Variants in PRKCH observed in about 807,000 individuals in gnomAD.
The protein encoded by PRKCH is protein kinase C eta type.
A neutral mutation model predicts 82.5 loss-of-function variants in PRKCH; 28 were observed. The observed-to-expected ratio is 0.34, with a 90% CI of 0.25 to 0.47. The LOEUF is 0.47. Ranked by LOEUF, PRKCH falls within the 20% of genes least tolerant of loss-of-function variation. The probability of loss-of-function intolerance (pLI) is 1.00; values close to 1 mark genes in which losing one functional copy is unlikely to be tolerated. For synonymous variants in PRKCH, 322 were observed against 327.4 expected (o/e 0.98, Z 0.18); for missense variants, 705 against 881.8 (o/e 0.80, Z 2.54).
intron 1 of PRKCH, chr14:61,279,834 A>G (rs889975268): frequency 1.4e-5 from 7 of 487,662 alleles, no homozygotes; most frequent in Non-Finnish European, 2.6e-5. Flanking sequence ...AGAACCTCAC[A>G]TGGCAACTCA....
At chr14:61,402,725 G>T (rs189193467) in intron 2 of PRKCH, among the ~76,000 whole-genome samples, 103 of 152,070 alleles carry the variant, frequency 6.8e-4, no homozygotes, top group East Asian at 5.4e-3. Context: ...CTTGAACCAG[G>T]GAGTCAGAGG....
chr14:61,360,135 T>A (rs2046203828), intron 1 of PRKCH, among the ~76,000 whole-genome samples: 1 of 152,256 alleles, frequency 6.6e-6, no homozygotes, highest in Non-Finnish European at 1.5e-5. Context: ...AAATGTTTTC[T>A]TATACAACTC....
chr14:61,487,277 G>A (rs1886266603), intron 10 of PRKCH, among the ~76,000 whole-genome samples: 2 of 152,186 alleles, frequency 1.3e-5, no homozygotes, highest in African/African-American at 2.4e-5. Context: ...GAACCAGCCT[G>A]GATAAGGACA....
chr14:61,537,147 C>T (rs559010838), intron 12 of PRKCH, among the ~76,000 whole-genome samples: 1 of 152,294 alleles, frequency 6.6e-6, no homozygotes. Flanking sequence ...TCTTGCTTCC[C>T]CTTCTGTCTT....
At chr14:61,399,775 A>C (rs571588649) in intron 2 of PRKCH, among the ~76,000 whole-genome samples, 130 of 152,290 alleles carry the variant, frequency 8.5e-4, no homozygotes, top group African/African-American at 3.1e-3. Context: ...TTTCTTCCCC[A>C]GAGTTCCCAA....
upstream of PRKCH, among the ~76,000 whole-genome samples, chr14:61,321,416 G>C (rs1490017898): frequency 6.6e-6 from 1 of 152,200 alleles, no homozygotes; most frequent in Admixed American, 6.5e-5. This position sits in a 1 kb window ranked among gnomAD's most constrained non-coding sequence, Gnocchi z 4.1. Context: ...AACCCGCAGC[G>C]CACGGCCAGA....
At position 61,486,535 on chromosome 14, in the gene PRKCH, T is replaced by G. The variant is rs145014177; in HGVS notation, c.1433+879T>G. 2.1e-3 allele frequency among the ~76,000 whole-genome samples: 321 copies of G among 152,346 alleles called. 1 individual carries two copies. The highest frequency in any genetic ancestry group is 7.4e-3 in the African/African-American group (307 of 41,578). Reference sequence around the variant, plus strand: ...AATGTAACTTTAGTCAGAGAGAAGGTTGGAGACAGTGAGAAGTGTAATAGT... The same window carrying G: ...AATGTAACTTTAGTCAGAGAGAAGGGTGGAGACAGTGAGAAGTGTAATAGT... On this transcript the variant is annotated intron_variant, in intron 10 of 13. Transcript: ENST00000332981.
intron 2 of PRKCH, among the ~76,000 whole-genome samples, chr14:61,421,136 G>A (rs959416023): frequency 6.6e-6 from 1 of 151,416 alleles, no homozygotes; most frequent in Admixed American, 6.6e-5. Context: ...TGTATAATTG[G>A]TTTGTTGTGA....
intron 1 of PRKCH, among the ~76,000 whole-genome samples, chr14:61,229,624 G>T (rs1014535674): frequency 6.6e-6 from 1 of 152,194 alleles, no homozygotes; most frequent in African/African-American, 2.4e-5. Flanking sequence ...GGAAGATTTG[G>T]CGGGGACTGT....
At chr14:61,536,072 A>G (rs2043104613) in intron 12 of PRKCH, among the ~76,000 whole-genome samples, 1 of 152,246 alleles carries the variant, frequency 6.6e-6, no homozygotes, top group African/African-American at 2.4e-5. Context: ...CAATACAAAT[A>G]TACAGAAAGA....
chr14:61,323,307 G>T (rs1333704204), intron 1 of PRKCH, among the ~76,000 whole-genome samples: 1 of 151,322 alleles, frequency 6.6e-6, no homozygotes, highest in African/African-American at 2.4e-5. Flanking sequence ...AAAACTTCTA[G>T]AGCGCTCTAC....
intron 9 of PRKCH, among the ~76,000 whole-genome samples, chr14:61,465,330 C>T (rs376241699): frequency 2.0e-5 from 3 of 152,280 alleles, no homozygotes; most frequent in African/African-American, 7.2e-5. Flanking sequence ...TCCCCTAAGT[C>T]ATCATTTGGT....
chr14:61,549,755 A>C lies in PRKCH; in HGVS notation c.1976A>C (p.Asp659Ala). ...GAAGAGCCAGTTTTAACTCCAATTG[A>C]TGAGGGACATCTTCCAATGATTAAC... ...IKEEPVLTPIDEGHLPMINQD... is the reference protein window; with the variant it reads ...IKEEPVLTPIAEGHLPMINQD... The change falls in exon 14 of 14, where the codon GAT (aspartate) becomes GCT (alanine). Residue 659 changes from aspartate (D) to alanine (A), a missense_variant. Transcript: ENST00000332981. The C allele has an allele frequency of 6.2e-7, 1 of 1,613,904 alleles. No homozygotes were observed. The highest frequency in any genetic ancestry group is 8.5e-7 in the Non-Finnish European group (1 of 1,179,970).
Position 61,549,968 on chromosome 14 carries a change from G to A in PRKCH, c.*137G>A, listed in dbSNP as rs929754460. On this transcript the variant is annotated 3_prime_UTR_variant, in exon 14 of 14. Coordinates refer to ENST00000332981, the MANE Select transcript of PRKCH (RefSeq NM_006255.5). ...TCAAGGAGCAAGTGAAGAACTCTGT[G>A]AAGGATGGAACTTTCAGATATCAAC... The A allele has an allele frequency of 1.1e-6, 1 of 917,082 alleles. No individual in the cohort carries two copies. The allele number at this position is 917,082 out of a possible 1,614,324, so 56.8% of individuals were successfully genotyped here.
chr14:61,208,672 AT>A (rs2044546198), intron 1 of PRKCH, among the ~76,000 whole-genome samples: 2 of 152,352 alleles, frequency 1.3e-5, no homozygotes, highest in African/African-American at 4.8e-5. Context: ...TATAGCTTAA[AT>A]AAGGTTTCAC....
chr14:61,437,707 G>A (rs1883742889), intron 2 of PRKCH, among the ~76,000 whole-genome samples: 1 of 152,124 alleles, frequency 6.6e-6, no homozygotes, highest in Non-Finnish European at 1.5e-5. Flanking sequence ...TCTAGCACAA[G>A]CTAGCTAAAT....
chr14:61,445,867 C>T, intron 4 of PRKCH, 141 bp downstream of exon 4: 1 of 843,504 alleles, frequency 1.2e-6, no homozygotes, highest in East Asian at 2.5e-5. Context: ...TGTGTAGATA[C>T]AACTCTTTAG....
chr14:61,315,968 G>A (rs533550513), intron 1 of PRKCH, among the ~76,000 whole-genome samples: 8 of 152,078 alleles, frequency 5.3e-5, no homozygotes, highest in East Asian at 1.9e-4. Flanking sequence ...GGCTGGTCTC[G>A]AACTCCTGAC....
chr14:61,468,090 C>T (rs8019776), intron 9 of PRKCH, among the ~76,000 whole-genome samples: 20,256 of 152,152 alleles, frequency 0.13, 2,905 homozygotes, highest in African/African-American at 0.36. Flanking sequence ...TGTCATTAGA[C>T]GGGAATAGAG....
Sources: allele counts gnomAD v4.1 joint callset (sites outside exome capture counted in the v4.1 genomes callset), GRCh38; gene constraint gnomAD v4.1.1; non-coding constraint Gnocchi (gnomAD v3.1); transcripts MANE v1.5; gene names NCBI Gene and HGNC (gene_info 2026-07-23, HGNC 2026-07-21).